The following GABBR2 variants were observed in gnomAD, a reference collection of about 807,000 sequenced individuals.
The protein encoded by GABBR2 is G-protein coupled receptor 51.
In GABBR2, 23 loss-of-function variants were observed where a neutral mutation model predicts 105.6. That is an observed-to-expected ratio of 0.22 (90% CI 0.16 to 0.31). The LOEUF is 0.31. GABBR2 is among the 10% of genes least tolerant of loss of function. The pLI is 1.00. For synonymous variants in GABBR2, 478 were observed against 499.7 expected (o/e 0.96, Z 0.58); for missense variants, 734 against 1,245.5 (o/e 0.59, Z 6.18).
chr9:98,575,361 C>T (rs1215133918), intron 2 of GABBR2, among the ~76,000 whole-genome samples: 1 of 152,030 alleles, frequency 6.6e-6, no homozygotes, highest in Non-Finnish European at 1.5e-5. Context: ...GGTGGGAATG[C>T]AAGAAAGACC....
chr9:98,377,544 G>A (rs918462599), intron 11 of GABBR2, among the ~76,000 whole-genome samples: 1 of 151,816 alleles, frequency 6.6e-6, no homozygotes, highest in African/African-American at 2.4e-5. Context: ...TGTTTACTTA[G>A]GTTTTCAATC....
intron 6 of GABBR2, among the ~76,000 whole-genome samples, chr9:98,469,668 G>A (rs1419234694): frequency 6.6e-6 from 1 of 152,162 alleles, no homozygotes; most frequent in Non-Finnish European, 1.5e-5. Context: ...TTCCAAACAA[G>A]GTCACACTCC....
At chr9:98,328,258 T>A (rs1830960232) in intron 13 of GABBR2, among the ~76,000 whole-genome samples, 1 of 151,996 alleles carries the variant, frequency 6.6e-6, no homozygotes, top group Admixed American at 6.6e-5. Context: ...TATATGGGGT[T>A]CTTTGAGCTG....
chr9:98,301,402 T>C (rs937813897), intron 16 of GABBR2, among the ~76,000 whole-genome samples: 1 of 152,228 alleles, frequency 6.6e-6, no homozygotes, highest in Non-Finnish European at 1.5e-5. Flanking sequence ...CGTTGACTGT[T>C]GTGTTGGTGC....
At chr9:98,660,335 C>A (rs139579041) in intron 1 of GABBR2, among the ~76,000 whole-genome samples, 2 of 152,316 alleles carry the variant, frequency 1.3e-5, no homozygotes, top group African/African-American at 4.8e-5. Context: ...AACACTTCCA[C>A]CAGTATGAAA....
chr9:98,405,130 G>A (rs933057875), intron 8 of GABBR2, among the ~76,000 whole-genome samples: 34 of 152,128 alleles, frequency 2.2e-4, no homozygotes, highest in Admixed American at 3.3e-4. Flanking sequence ...AAAAAAAGGG[G>A]GGATGGGGTG....
chr9:98,447,657 AG>A (rs1826160195), intron 7 of GABBR2, among the ~76,000 whole-genome samples: 1 of 152,060 alleles, frequency 6.6e-6, no homozygotes, highest in Non-Finnish European at 1.5e-5. Flanking sequence ...GATGAAATAA[AG>A]GTGGGTTTGA....
chr9:98,320,344 A>C (rs1830797593), intron 13 of GABBR2, among the ~76,000 whole-genome samples: 2 of 151,818 alleles, frequency 1.3e-5, no homozygotes, highest in Non-Finnish European at 2.9e-5. Flanking sequence ...GCTGGAGAGG[A>C]TGTGGAGAAA....
chr9:98,367,814 A>G (rs920539037), intron 12 of GABBR2, among the ~76,000 whole-genome samples: 3 of 152,196 alleles, frequency 2.0e-5, no homozygotes, highest in Non-Finnish European at 4.4e-5. Flanking sequence ...CACACACTCA[A>G]TCAGGGAACC....
At chr9:98,648,116 T>TGTGTGTGTGTGGATAGATAG in intron 1 of GABBR2, among the ~76,000 whole-genome samples, 3 of 55,948 alleles carry the variant, frequency 5.4e-5, no homozygotes, top group Non-Finnish European at 1.0e-4. Flanking sequence ...TGTGTGTGTG[T>TGTGTGTGTGTGGATAGATAG]ATAGATAGAT....
chr9:98,481,110 G>T, intron 4 of GABBR2, 113 bp from the exon 5 acceptor site: 2 of 754,632 alleles, frequency 2.7e-6, no homozygotes, highest in Admixed American at 1.8e-5. Context: ...CCAGAGCTCT[G>T]CCTGGGAAGG....
chr9:98,537,152 C>T (rs575487232), intron 3 of GABBR2, among the ~76,000 whole-genome samples: 2 of 152,270 alleles, frequency 1.3e-5, no homozygotes, highest in South Asian at 2.1e-4. Context: ...ATGGCCTGGG[C>T]ATCAGGATTT....
intron 8 of GABBR2, among the ~76,000 whole-genome samples, chr9:98,404,877 C>G (rs1044740677): frequency 6.6e-6 from 1 of 152,076 alleles, no homozygotes; most frequent in Non-Finnish European, 1.5e-5. Flanking sequence ...ATACTTCAAG[C>G]AGATGCAATG....
chr9:98,577,626 C>G lies in GABBR2; in HGVS notation c.459+309G>C, dbSNP rs116438684. Among the ~76,000 whole-genome samples the G allele has an allele frequency of 0.034, 5,117 of 152,204 alleles. 299 individuals carry two copies. Among genetic ancestry groups the G allele is most frequent in the African/African-American group, 0.12 (4,839 of 41,498 alleles). ...TGTGCTGTGGAGCAAGTGGAAGGAG[C>G]AGGAGATAACACTGGGCAGGCAGGT... On this transcript the variant is annotated intron_variant, in intron 2 of 18. Transcript: ENST00000259455.
chr9:98,512,177 T>C (rs1383976144), intron 3 of GABBR2, among the ~76,000 whole-genome samples: 2 of 144,172 alleles, frequency 1.4e-5, no homozygotes, highest in African/African-American at 5.1e-5. Flanking sequence ...TCTCAATAGA[T>C]GCAGAAAAGG....
chr9:98,523,591 G>C (rs958051991), intron 3 of GABBR2, among the ~76,000 whole-genome samples: 6 of 152,202 alleles, frequency 3.9e-5, no homozygotes, highest in Non-Finnish European at 7.3e-5. Flanking sequence ...TATCCGAAAA[G>C]AAAAAGCCAA....
At chr9:98,553,030 C>T (rs556448195) in intron 2 of GABBR2, among the ~76,000 whole-genome samples, 1 of 152,094 alleles carries the variant, frequency 6.6e-6, no homozygotes, top group Admixed American at 6.5e-5. Flanking sequence ...CACGTGCCAC[C>T]ATGCCTGGCT....
intron 1 of GABBR2, among the ~76,000 whole-genome samples, chr9:98,622,270 T>A (rs1442119070): frequency 6.6e-6 from 1 of 152,106 alleles, no homozygotes; most frequent in Non-Finnish European, 1.5e-5. Flanking sequence ...GCTAAATGGA[T>A]CCTTCCACCT....
intron 1 of GABBR2, among the ~76,000 whole-genome samples, chr9:98,689,764 A>G (rs766937888): frequency 1.3e-5 from 2 of 152,254 alleles, no homozygotes; most frequent in African/African-American, 4.8e-5. Context: ...TACATATACC[A>G]TACAAAGATC....
Sources: gnomAD v4.1 joint callset for allele counts (sites outside exome capture counted in the v4.1 genomes callset) on GRCh38, gnomAD v4.1.1 for gene constraint, MANE v1.5 for transcripts, NCBI Gene and HGNC (gene_info 2026-07-23, HGNC 2026-07-21) for gene names.